RPS6KC1: variants seen among roughly 807,000 people sequenced by gnomAD.
RPS6KC1 encodes inactive ribosomal protein S6 kinase delta-1.
In RPS6KC1, 54 loss-of-function variants were observed where a neutral mutation model predicts 103.8. That is an observed-to-expected ratio of 0.52 (90% CI 0.42 to 0.65). The LOEUF (loss-of-function observed/expected upper bound fraction) is 0.65. Ranked by LOEUF, RPS6KC1 falls within the 30% of genes least tolerant of loss-of-function variation. RPS6KC1 has a pLI of 0.00. For synonymous variants in RPS6KC1, 439 were observed against 438.7 expected, an observed-to-expected ratio of 1.00 and a Z score of -0.01; for missense variants, 1,151 against 1,253.8, an observed-to-expected ratio of 0.92 and a Z score of 1.24.
the RPS6KC1 span, among the ~76,000 whole-genome samples, chr1:213,610,478 G>A: frequency 4.0e-4 from 61 of 152,222 alleles, no homozygotes; most frequent in South Asian, 3.9e-3. Context: ...GAGATTTGGC[G>A]GAAACCTCGA....
At chr1:213,602,052 CTTTCT>C in the RPS6KC1 span, among the ~76,000 whole-genome samples, 1 of 62,794 alleles carries the variant, frequency 1.6e-5, no homozygotes, top group Non-Finnish European at 3.0e-5. Flanking sequence ...TTCTTTCTTT[CTTTCT>C]CTTTCTTTCT....
the RPS6KC1 span, among the ~76,000 whole-genome samples, chr1:213,432,173 C>A: frequency 6.6e-6 from 1 of 152,194 alleles, no homozygotes; most frequent in Non-Finnish European, 1.5e-5. Flanking sequence ...AAGTCCTATG[C>A]ACACTGGTGT....
the RPS6KC1 span, among the ~76,000 whole-genome samples, chr1:213,554,193 AT>A: frequency 6.6e-6 from 1 of 152,024 alleles, no homozygotes; most frequent in East Asian, 1.9e-4. Context: ...TCTTGAGTTG[AT>A]TTTTGTATAT....
At chr1:213,515,632 G>C in the RPS6KC1 span, among the ~76,000 whole-genome samples, 1 of 152,156 alleles carries the variant, frequency 6.6e-6, no homozygotes, top group Non-Finnish European at 1.5e-5. Context: ...GGTTACTGTA[G>C]CCTTGTAGTA....
chr1:213,630,188 G>C, the RPS6KC1 span, among the ~76,000 whole-genome samples: 1 of 152,142 alleles, frequency 6.6e-6, no homozygotes, highest in South Asian at 2.1e-4. Context: ...TTTTCAACTT[G>C]GTTCCATTCT....
chr1:213,115,545 C>A (rs2083494580), intron 4 of RPS6KC1, among the ~76,000 whole-genome samples: 2 of 152,136 alleles, frequency 1.3e-5, no homozygotes, highest in Admixed American at 1.3e-4. Context: ...TTTTGTATCT[C>A]TATTTCCTTC....
chr1:213,846,377 T>C, the RPS6KC1 span, among the ~76,000 whole-genome samples: 2 of 152,140 alleles, frequency 1.3e-5, no homozygotes, highest in East Asian at 3.9e-4. Context: ...CCATACCCAA[T>C]GCGCTCCCCA....
At chr1:213,821,442 A>C in the RPS6KC1 span, 1 of 151,802 alleles carries the variant, frequency 6.6e-6, no homozygotes, top group Non-Finnish European at 1.5e-5. Context: ...TCAGCTCCAC[A>C]GTAATGCTCT....
the RPS6KC1 span, among the ~76,000 whole-genome samples, chr1:213,664,240 G>A: frequency 3.7e-4 from 56 of 151,754 alleles, no homozygotes; most frequent in South Asian, 4.6e-3. Flanking sequence ...CAAGGCAAGA[G>A]GGGGCAGCGG....
chr1:213,421,207 G>T, the RPS6KC1 span, among the ~76,000 whole-genome samples: 1 of 151,938 alleles, frequency 6.6e-6, no homozygotes, highest in Non-Finnish European at 1.5e-5. Context: ...TGCCTCCAGG[G>T]TTCAAGTGAT....
the RPS6KC1 span, among the ~76,000 whole-genome samples, chr1:213,701,801 C>CT: frequency 6.6e-5 from 10 of 151,262 alleles, no homozygotes; most frequent in Admixed American, 2.0e-4. Context: ...AGTCTTCTCA[C>CT]TTTTTTTTTC....
intron 8 of RPS6KC1, among the ~76,000 whole-genome samples, chr1:213,189,812 C>G (rs1027218629): frequency 5.3e-5 from 8 of 152,170 alleles, no homozygotes; most frequent in African/African-American, 1.9e-4. Flanking sequence ...ACGATCCTTT[C>G]CAGCCTCTGG....
chr1:213,201,501 C>T (rs1221271253), intron 8 of RPS6KC1, among the ~76,000 whole-genome samples: 2 of 152,142 alleles, frequency 1.3e-5, no homozygotes, highest in African/African-American at 2.4e-5. Context: ...GGCAGTGTAA[C>T]TATTCTGTAT....
chr1:213,573,455 G>A, the RPS6KC1 span, among the ~76,000 whole-genome samples: 2 of 152,166 alleles, frequency 1.3e-5, no homozygotes, highest in Non-Finnish European at 2.9e-5. Flanking sequence ...CTTTTCCTGA[G>A]GCTGTTTATA....
chr1:213,650,463 C>A, the RPS6KC1 span, among the ~76,000 whole-genome samples: 1 of 152,226 alleles, frequency 6.6e-6, no homozygotes, highest in Non-Finnish European at 1.5e-5. Flanking sequence ...GAGGCACAAG[C>A]TCCCTCCCTC....
intron 8 of RPS6KC1, among the ~76,000 whole-genome samples, chr1:213,186,721 G>A (rs2092547391): frequency 6.6e-6 from 1 of 152,090 alleles, no homozygotes; most frequent in South Asian, 2.1e-4. Context: ...GGTCTTTTGA[G>A]ATAATTTTTA....
intron 12 of RPS6KC1, among the ~76,000 whole-genome samples, chr1:213,245,567 C>T (rs996222128): frequency 6.6e-6 from 1 of 152,130 alleles, no homozygotes; most frequent in South Asian, 2.1e-4. Flanking sequence ...CATATTTGTC[C>T]TGAAAACATT....
the RPS6KC1 span, among the ~76,000 whole-genome samples, chr1:213,768,010 G>T: frequency 6.6e-6 from 1 of 152,194 alleles, no homozygotes; most frequent in Non-Finnish European, 1.5e-5. Context: ...TTGGTCATAG[G>T]CATGGCCTTA....
chr1:213,662,101 T>C, the RPS6KC1 span, among the ~76,000 whole-genome samples: 1 of 152,192 alleles, frequency 6.6e-6, no homozygotes, highest in East Asian at 1.9e-4. Flanking sequence ...TCCCGGAACT[T>C]CTTTTTATGA....
Sources: allele counts gnomAD v4.1 joint callset (sites outside exome capture counted in the v4.1 genomes callset), GRCh38; gene constraint gnomAD v4.1.1; transcripts MANE v1.5; gene names NCBI Gene and HGNC (gene_info 2026-07-23, HGNC 2026-07-21).